MEIS1: variants seen among roughly 807,000 people sequenced by gnomAD.
The protein encoded by MEIS1 is Meis homeobox 1, also known as homeobox protein Meis1.
Under a neutral mutation model 50.8 loss-of-function variants are expected in MEIS1, and 5 were observed. That is an observed-to-expected ratio of 0.10 (90% CI 0.05 to 0.21). MEIS1 has a LOEUF of 0.21. Among genes scored for constraint, MEIS1 ranks in the 10% least tolerant of loss-of-function variants. The probability of loss-of-function intolerance (pLI) is 1.00; values close to 1 mark genes in which losing one functional copy is unlikely to be tolerated. For missense variants in MEIS1, 318 were observed against 517.3 expected (o/e 0.61, Z 3.74); for synonymous variants, 176 against 179.3 (o/e 0.98, Z 0.15).
At position 66,486,925 on chromosome 2, in the gene MEIS1, T is replaced by A. The variant is rs115685535; in HGVS notation, c.742+22705T>A. ...TATTATTGGTGTATATGAATGCTTA[T>A]GATTTTGCACATTGACTTTGTATCC... On this transcript the variant is annotated intron_variant, in intron 7 of 12. Transcript: ENST00000272369. Among the ~76,000 whole-genome samples, 799 of 152,308 alleles carry A rather than the reference T, an allele frequency of 5.2e-3. 5 individuals carry two copies. The highest frequency in any genetic ancestry group is 0.018 in the African/African-American group (749 of 41,560).
chr2:66,556,060 C>CAA (rs397954474), intron 9 of MEIS1, among the ~76,000 whole-genome samples: 53 of 150,298 alleles, frequency 3.5e-4, no homozygotes, highest in Middle Eastern at 3.4e-3. Flanking sequence ...AAAACAAAAA[C>CAA]AAAAAAAAAC....
At chr2:66,446,628 C>G (rs1285857206) in intron 6 of MEIS1, among the ~76,000 whole-genome samples, 1 of 152,218 alleles carries the variant, frequency 6.6e-6, no homozygotes, top group Non-Finnish European at 1.5e-5. Flanking sequence ...AGCTCCTGGG[C>G]GAAGGCTGTC....
At chr2:66,512,414 C>T in intron 8 of MEIS1, 120 bp downstream of exon 8, 2 of 1,186,634 alleles carry the variant, frequency 1.7e-6, no homozygotes, top group Non-Finnish European at 2.3e-6. Context: ...TAACTGTGTT[C>T]CCACAGTTTT....
chr2:66,568,870 G>C, intron 11 of MEIS1, 114 bp downstream of exon 11: 1 of 1,135,640 alleles, frequency 8.8e-7, no homozygotes, highest in Non-Finnish European at 1.3e-6. Context: ...TGGCTGCCTT[G>C]CCTTGTCTGC....
chr2:66,499,744 G>C (rs1016568784), intron 7 of MEIS1, among the ~76,000 whole-genome samples: 64 of 151,404 alleles, frequency 4.2e-4, no homozygotes, highest in African/African-American at 1.5e-3. Context: ...TGTTATCCTG[G>C]TGTGTCAATC....
intron 6 of MEIS1, among the ~76,000 whole-genome samples, chr2:66,449,872 A>G (rs2103709316): frequency 6.6e-6 from 1 of 152,306 alleles, no homozygotes; most frequent in South Asian, 2.1e-4. Context: ...TTCTTGGTTC[A>G]GAGTTTCTAA....
At chr2:66,462,167 A>G (rs1672535373) in intron 6 of MEIS1, among the ~76,000 whole-genome samples, 1 of 152,114 alleles carries the variant, frequency 6.6e-6, no homozygotes, top group African/African-American at 2.4e-5. Flanking sequence ...GTTCTAAGTC[A>G]CCTTTTTGGA....
intron 7 of MEIS1, among the ~76,000 whole-genome samples, chr2:66,494,184 A>G (rs1673341041): frequency 6.6e-6 from 1 of 152,228 alleles, no homozygotes; most frequent in African/African-American, 2.4e-5. Flanking sequence ...AGTTGAATCA[A>G]CAAATCGATC....
intron 7 of MEIS1, among the ~76,000 whole-genome samples, chr2:66,481,491 C>G (rs1225637392): frequency 6.6e-6 from 1 of 152,138 alleles, no homozygotes; most frequent in Admixed American, 6.6e-5. Flanking sequence ...TTCAGAGGAG[C>G]AAAATGACAG....
At chr2:66,439,416 C>T (rs1671892352) in intron 2 of MEIS1, 5 of 1,297,430 alleles carry the variant, frequency 3.9e-6, no homozygotes, top group Non-Finnish European at 4.9e-6. Flanking sequence ...GCGCGGCCGC[C>T]TAGGAGGAAC....
intron 7 of MEIS1, among the ~76,000 whole-genome samples, chr2:66,488,487 G>T (rs1225274790): frequency 6.6e-6 from 1 of 152,018 alleles, no homozygotes; most frequent in East Asian, 1.9e-4. Flanking sequence ...GACCATCCTG[G>T]CCAACACAGT....
At chr2:66,552,028 GACACACAC>G (rs71980656) in intron 9 of MEIS1, among the ~76,000 whole-genome samples, 4 of 147,198 alleles carry the variant, frequency 2.7e-5, no homozygotes, top group African/African-American at 7.5e-5. Flanking sequence ...CTTTATGGAA[GACACACAC>G]ACACACACAC....
At chr2:66,555,874 T>A (rs185671339) in intron 9 of MEIS1, among the ~76,000 whole-genome samples, 20 of 152,262 alleles carry the variant, frequency 1.3e-4, no homozygotes, top group Middle Eastern at 3.4e-3. Context: ...TAGAACAGTT[T>A]TCTTGAAAAA....
At chr2:66,496,311 TTG>T (rs1673402067) in intron 7 of MEIS1, 1 of 152,142 alleles carries the variant, frequency 6.6e-6, no homozygotes, top group South Asian at 2.1e-4. Flanking sequence ...GCAGCCTTGT[TTG>T]TGTTTCCGTA....
chr2:66,561,554 T>A (rs1675213439), intron 9 of MEIS1, among the ~76,000 whole-genome samples: 2 of 152,208 alleles, frequency 1.3e-5, no homozygotes, highest in Non-Finnish European at 2.9e-5. Context: ...TTAATTTTTA[T>A]TACTAAGTTT....
intron 5 of MEIS1, 157 bp from the exon 6 acceptor site, chr2:66,442,745 C>A (rs1236311751): frequency 3.2e-6 from 2 of 632,874 alleles, no homozygotes. Context: ...AAAGTTATTC[C>A]TAATTCTGGA....
At position 66,571,285 on chromosome 2, in the gene MEIS1, G is replaced by T; in HGVS notation, c.*77G>T. On this transcript the variant is annotated 3_prime_UTR_variant, in exon 13 of 13. Coordinates refer to ENST00000272369, the MANE Select transcript of MEIS1 (RefSeq NM_002398.3). ...CCAGGGGAGTATGTAGCCCGGGGTG[G>T]TCCAATGGGTGTGAGTATGGGACAG... 1 of 1,596,852 alleles carries T rather than the reference G, an allele frequency of 6.3e-7. No homozygotes were observed. Among genetic ancestry groups the T allele is most frequent in the Non-Finnish European group, 8.5e-7 (1 of 1,171,590 alleles).
intron 7 of MEIS1, among the ~76,000 whole-genome samples, chr2:66,507,512 A>G (rs575041937): frequency 4.1e-4 from 63 of 152,306 alleles, no homozygotes; most frequent in African/African-American, 1.3e-3. Flanking sequence ...GAGCCCTCTA[A>G]TAGAAAACCT....
chr2:66,534,711 C>A (rs960150287), intron 8 of MEIS1, among the ~76,000 whole-genome samples: 59 of 152,138 alleles, frequency 3.9e-4, no homozygotes, highest in Admixed American at 3.2e-3. Flanking sequence ...AAAACTAGGC[C>A]CTTCTTTGTG....
Sources: gnomAD v4.1 joint callset for allele counts (sites outside exome capture counted in the v4.1 genomes callset) on GRCh38, gnomAD v4.1.1 for gene constraint, MANE v1.5 for transcripts, NCBI Gene and HGNC (gene_info 2026-07-23, HGNC 2026-07-21) for gene names.